TENM3: variants seen among roughly 807,000 people sequenced by gnomAD.
TENM3 encodes the protein teneurin-3.
In TENM3, 63 loss-of-function variants were observed where a neutral mutation model predicts 255.1. That is an observed-to-expected ratio of 0.25 (90% confidence interval 0.20 to 0.30). The LOEUF (loss-of-function observed/expected upper bound fraction) is 0.30, where lower values mean the gene tolerates loss of function less well. Ranked by LOEUF, TENM3 falls within the 10% of genes least tolerant of loss-of-function variation. TENM3 has a pLI of 1.00. For synonymous variants in TENM3, 1,306 were observed against 1,322.3 expected (o/e 0.99, Z 0.27); for missense variants, 2,929 against 3,461.1 (o/e 0.85, Z 3.86).
chr4:182,420,776 G>T (rs1034885394), intron 3 of TENM3, among the ~76,000 whole-genome samples: 2 of 152,162 alleles, frequency 1.3e-5, no homozygotes, highest in African/African-American at 4.8e-5. Context: ...ATAAAAACAT[G>T]CTGGGTTAGT....
chr4:182,643,350 T>C (rs1316572931), intron 5 of TENM3, among the ~76,000 whole-genome samples: 2 of 152,232 alleles, frequency 1.3e-5, no homozygotes, highest in Admixed American at 1.3e-4. Flanking sequence ...CTCTATGCAA[T>C]GTAGTTTTAA....
chr4:182,470,216 G>A (rs1417154849), intron 3 of TENM3, among the ~76,000 whole-genome samples: 2 of 152,164 alleles, frequency 1.3e-5, no homozygotes, highest in Non-Finnish European at 2.9e-5. Context: ...TAAGTGTTCT[G>A]TTGTAAATGT....
intron 24 of TENM3, among the ~76,000 whole-genome samples, chr4:182,775,950 T>C (rs1764653274): frequency 6.7e-6 from 1 of 149,672 alleles, no homozygotes; most frequent in Admixed American, 6.7e-5. Context: ...ATAGGAGATA[T>C]GTAGATGATA....
At chr4:182,385,801 G>A (rs1390009692) in intron 3 of TENM3, among the ~76,000 whole-genome samples, 1 of 152,148 alleles carries the variant, frequency 6.6e-6, no homozygotes, top group African/African-American at 2.4e-5. Context: ...ACTGGTAGAT[G>A]ACAGATGTGT....
chr4:182,127,138 A>AT, the TENM3 span, among the ~76,000 whole-genome samples: 4 of 136,852 alleles, frequency 2.9e-5, no homozygotes, highest in Non-Finnish European at 6.6e-5. Context: ...AATAAAAATG[A>AT]TTTTTAAAGT....
chr4:182,304,439 C>T (rs542835745), intron 1 of TENM3, among the ~76,000 whole-genome samples: 6 of 152,242 alleles, frequency 3.9e-5, no homozygotes, highest in Admixed American at 3.9e-4. Context: ...GTCTCGATCT[C>T]CTGACCTCAT....
the TENM3 span, among the ~76,000 whole-genome samples, chr4:181,854,402 CA>C: frequency 6.6e-6 from 1 of 152,178 alleles, no homozygotes; most frequent in African/African-American, 2.4e-5. Flanking sequence ...CACTCATAGG[CA>C]AGCTCGTTCA....
chr4:182,188,136 A>G (rs541358586), intron 1 of TENM3, among the ~76,000 whole-genome samples: 32 of 152,278 alleles, frequency 2.1e-4, no homozygotes, highest in South Asian at 1.5e-3. Context: ...TATGTTATAT[A>G]TTAGCATTAT....
the TENM3 span, among the ~76,000 whole-genome samples, chr4:181,475,399 C>T: frequency 1.3e-5 from 2 of 152,048 alleles, no homozygotes; most frequent in African/African-American, 2.4e-5. Flanking sequence ...TGACAGAAAA[C>T]GTAAAAATCA....
At position 182,379,953 on chromosome 4, in the gene TENM3, T is replaced by TCAA. The variant is rs376801266; in HGVS notation, c.511+33043_511+33045dup. Among the ~76,000 whole-genome samples the TCAA allele has an allele frequency of 2.9e-3, 448 of 152,100 alleles. 6 individuals carry two copies. Among genetic ancestry groups the TCAA allele is most frequent in the African/African-American group, 0.01 (417 of 41,490 alleles). ...TAGTACACAAGGCAGGCTAGCTATTTCAACAACAACAACAACAACAAAAGA... is the reference window on the plus strand; with the variant it reads ...TAGTACACAAGGCAGGCTAGCTATTTCAACAACAACAACAACAACAACAAAAGA... On this transcript the variant is annotated intron_variant, in intron 3 of 27. Coordinates refer to ENST00000511685, the MANE Select transcript of TENM3 (RefSeq NM_001080477.4).
chr4:182,767,736 A>C (rs557077743), intron 22 of TENM3, among the ~76,000 whole-genome samples: 10 of 152,340 alleles, frequency 6.6e-5, no homozygotes, highest in African/African-American at 2.4e-4. Flanking sequence ...TCCAAGTCTG[A>C]AAGCAAACCC....
the TENM3 span, among the ~76,000 whole-genome samples, chr4:181,510,354 TAACA>T: frequency 5.3e-5 from 8 of 151,652 alleles, no homozygotes; most frequent in Admixed American, 6.6e-5. Context: ...ATACCAAATA[TAACA>T]AACAAACACA....
intron 3 of TENM3, among the ~76,000 whole-genome samples, chr4:182,563,932 G>T (rs1382223953): frequency 6.6e-6 from 1 of 152,116 alleles, no homozygotes; most frequent in Non-Finnish European, 1.5e-5. Context: ...CTTCCATGCA[G>T]GTCTTCATGG....
At chr4:181,850,470 T>C in the TENM3 span, among the ~76,000 whole-genome samples, 1 of 152,136 alleles carries the variant, frequency 6.6e-6, no homozygotes, top group Non-Finnish European at 1.5e-5. Flanking sequence ...AAAAGCCACA[T>C]AGGAAATTTA....
the TENM3 span, among the ~76,000 whole-genome samples, chr4:181,829,753 G>A: frequency 6.6e-6 from 1 of 152,112 alleles, no homozygotes; most frequent in Admixed American, 6.5e-5. Context: ...CACCCCACAG[G>A]AGCAAGCCTC....
chr4:181,941,309 A>AT, the TENM3 span, among the ~76,000 whole-genome samples: 11 of 99,612 alleles, frequency 1.1e-4, no homozygotes, highest in South Asian at 3.6e-4. Context: ...CTTTTGTTTG[A>AT]TGTTTTTTTT....
chr4:182,548,569 G>A (rs533912558), intron 3 of TENM3: 2 of 152,224 alleles, frequency 1.3e-5, no homozygotes, highest in Non-Finnish European at 2.9e-5. Context: ...GTCACCTGAT[G>A]TAGATGTTCT....
chr4:181,494,607 C>T, the TENM3 span, among the ~76,000 whole-genome samples: 2 of 152,130 alleles, frequency 1.3e-5, no homozygotes, highest in East Asian at 1.9e-4. Context: ...TTTCTTATTG[C>T]CCCTACTATC....
At chr4:182,390,306 T>C (rs1768336510) in intron 3 of TENM3, among the ~76,000 whole-genome samples, 1 of 152,208 alleles carries the variant, frequency 6.6e-6, no homozygotes, top group Non-Finnish European at 1.5e-5. Flanking sequence ...CAACATTTCC[T>C]CTGGGCTTTA....
Sources: gnomAD v4.1 joint callset for allele counts (sites outside exome capture counted in the v4.1 genomes callset) on GRCh38, gnomAD v4.1.1 for gene constraint, MANE v1.5 for transcripts, NCBI Gene and HGNC (gene_info 2026-07-23, HGNC 2026-07-21) for gene names.